PPAT: variants seen among roughly 807,000 people sequenced by gnomAD.
The protein encoded by PPAT is phosphoribosyl pyrophosphate amidotransferase.
PPAT carries 20 observed loss-of-function variants against 60.2 expected under a neutral mutation model. The ratio of observed to expected loss-of-function variants is 0.33; its 90% confidence interval spans 0.23 to 0.48. The LOEUF (loss-of-function observed/expected upper bound fraction) is 0.48, where lower values mean the gene tolerates loss of function less well. Among genes scored for constraint, PPAT ranks in the 20% least tolerant of loss-of-function variants. PPAT has a pLI of 0.99. For synonymous variants in PPAT, 194 were observed against 215.1 expected (o/e 0.90, Z 0.86); for missense variants, 349 against 629.6 (o/e 0.55, Z 4.77).
At chr4:56,407,543 C>G in intron 2 of PPAT, 107 bp downstream of exon 2, 1 of 849,964 alleles carries the variant, frequency 1.2e-6, no homozygotes, top group Admixed American at 1.8e-5. Context: ...GTCTTGAACT[C>G]CCGACCTCAG....
intron 8 of PPAT, chr4:56,399,835 CT>C (rs1716069628): frequency 6.4e-6 from 1 of 156,742 alleles, no homozygotes; most frequent in Admixed American, 6.3e-5. Context: ...CATATTAATT[CT>C]TTTAGAAGTT....
chr4:56,430,306 T>C (rs1717514293), intron 1 of PPAT, among the ~76,000 whole-genome samples: 2 of 152,142 alleles, frequency 1.3e-5, no homozygotes, highest in South Asian at 2.1e-4. Context: ...CTAAGCACTT[T>C]ACATATATTA....
intron 2 of PPAT, among the ~76,000 whole-genome samples, chr4:56,407,219 C>A (rs1160306176): frequency 6.6e-6 from 1 of 152,116 alleles, no homozygotes; most frequent in Non-Finnish European, 1.5e-5. Flanking sequence ...GTGGCTGATC[C>A]AAAGAATATT....
chr4:56,400,567 GT>G, intron 8 of PPAT: 1 of 412,020 alleles, frequency 2.4e-6, no homozygotes. Flanking sequence ...TTTAGTGAAC[GT>G]TTTTTTCTTT....
chr4:56,429,065 C>T (rs976088854), intron 1 of PPAT: 1 of 354,092 alleles, frequency 2.8e-6, no homozygotes, highest in East Asian at 1.7e-4. Flanking sequence ...TTGCTTTTTC[C>T]TGATAACAGA....
rs556792131 is a variant in PPAT, at chr4:56,422,777, A to G, written c.128+12573T>C. The stretch of plus-strand genomic sequence containing the variant: ...ACATTATATGAAGTACTGTTGGATC[A>G]TAACTCAAAACACATAAATGAAAGG... On this transcript the variant is annotated intron_variant, in intron 1 of 10. Transcript: ENST00000264220. The G allele has an allele frequency of 7.2e-5, 11 of 152,338 alleles. No homozygotes were observed. In the South Asian group the frequency reaches 2.3e-3, roughly 32 times the overall value. 9.4% of individuals were successfully genotyped at this position (152,338 alleles called of 1,614,324 possible). A position where few individuals can be genotyped will look rare whatever the true frequency, so the allele number is the denominator to read the frequency against.
Position 56,433,495 on chromosome 4 carries a change from T to TAA in PPAT, c.128+1853_128+1854dup, listed in dbSNP as rs542379951. On this transcript the variant is annotated intron_variant, in intron 1 of 10. Transcript: ENST00000264220. Reference sequence around the variant, plus strand: ...CTCCAACCAGTGCTAACATGTAAGTTAAAAAAAAAAAAAAGCCTCTTTTTC... The same window carrying TAA: ...CTCCAACCAGTGCTAACATGTAAGTTAAAAAAAAAAAAAAAAGCCTCTTTTTC... Among the ~76,000 whole-genome samples the TAA allele has an allele frequency of 2.3e-3, 303 of 129,526 alleles. 8 individuals carry two copies. In the South Asian group the frequency reaches 0.04, roughly 17 times the overall value. 85.0% of individuals were successfully genotyped at this position (129,526 alleles called of 152,430 possible).
intron 1 of PPAT, among the ~76,000 whole-genome samples, chr4:56,412,752 T>C (rs1716524926): frequency 6.6e-6 from 1 of 152,226 alleles, no homozygotes; most frequent in Non-Finnish European, 1.5e-5. Context: ...TCTATTCTCA[T>C]TATGACTAAC....
At chr4:56,401,659 A>C (rs2110038426) in intron 6 of PPAT, among the ~76,000 whole-genome samples, 178 bp from the exon 7 acceptor site, 1 of 152,242 alleles carries the variant, frequency 6.6e-6, no homozygotes, top group South Asian at 2.1e-4. Context: ...TTTCTTTATA[A>C]TCTCTCTGTA....
chr4:56,403,670 T>A (rs532849507), intron 3 of PPAT, among the ~76,000 whole-genome samples: 1 of 152,292 alleles, frequency 6.6e-6, no homozygotes, highest in Non-Finnish European at 1.5e-5. Flanking sequence ...ATTATTACTA[T>A]ACTGTAATAT....
intron 1 of PPAT, among the ~76,000 whole-genome samples, chr4:56,417,835 G>GTT (rs1207160039): frequency 3.9e-5 from 4 of 102,592 alleles, no homozygotes; most frequent in African/African-American, 6.9e-5. Context: ...TGAAGATTTG[G>GTT]TTTTTTGTTT....
At chr4:56,405,516 C>T (rs1394470517) in intron 3 of PPAT, among the ~76,000 whole-genome samples, 2 of 152,206 alleles carry the variant, frequency 1.3e-5, no homozygotes, top group African/African-American at 4.8e-5. Flanking sequence ...AGCTTCATCC[C>T]TGGACCCCCA....
chr4:56,435,556 C>T lies in PPAT; in HGVS notation c.-79G>A. 6.2e-7 allele frequency: 1 copy of T among 1,604,792 alleles called. No individual in the cohort carries two copies. Among genetic ancestry groups the T allele is most frequent in the Non-Finnish European group, 8.5e-7 (1 of 1,175,230 alleles). ...CCAACCAGCTGCCAGCTCGGCCCGTCGAGCTCAGAAGCTCGCGCTCGCGAC... is the reference window on the plus strand; with the variant it reads ...CCAACCAGCTGCCAGCTCGGCCCGTTGAGCTCAGAAGCTCGCGCTCGCGAC... On this transcript the variant is annotated 5_prime_UTR_variant, in exon 1 of 11. Transcript: ENST00000264220.
intron 1 of PPAT, among the ~76,000 whole-genome samples, chr4:56,430,864 C>T (rs1163810150): frequency 6.6e-6 from 1 of 151,840 alleles, no homozygotes; most frequent in Non-Finnish European, 1.5e-5. Flanking sequence ...TACTGGAAAA[C>T]CTGGGGCTAG....
chr4:56,404,592 T>A (rs1716196306), intron 3 of PPAT, among the ~76,000 whole-genome samples: 1 of 152,166 alleles, frequency 6.6e-6, no homozygotes, highest in South Asian at 2.1e-4. Context: ...TCTAGGTAAG[T>A]CATTATGTCA....
chr4:56,410,412 A>G (rs1716388715), intron 1 of PPAT: 1 of 499,250 alleles, frequency 2.0e-6, no homozygotes, highest in East Asian at 1.5e-4. Flanking sequence ...CAGTTAAACT[A>G]CATCCTTTCA....
Position 56,429,283 on chromosome 4 carries a change from CTGTT to C in PPAT, c.128+6063_128+6066del, listed in dbSNP as rs1717455073. ...TGAAAACTTGCCCGGAGTTAGGTAACTGTTTGGTTATCATGGTCCTTTAAATTGT... is the reference window on the plus strand; with the variant it reads ...TGAAAACTTGCCCGGAGTTAGGTAACTGGTTATCATGGTCCTTTAAATTGT... On this transcript the variant is annotated intron_variant, in intron 1 of 10. Coordinates refer to ENST00000264220, the MANE Select transcript of PPAT (RefSeq NM_002703.5). Among the ~76,000 whole-genome samples, 3 of 152,180 alleles carry C rather than the reference CTGTT, an allele frequency of 2.0e-5. No homozygotes were observed. In the South Asian group the frequency reaches 6.2e-4, roughly 31 times the overall value.
intron 1 of PPAT, chr4:56,431,426 G>A (rs1717580301): frequency 2.0e-6 from 2 of 982,188 alleles, no homozygotes; most frequent in African/African-American, 3.5e-5. Flanking sequence ...TGCAGAACCA[G>A]TGTCTAAATC....
chr4:56,402,820 C>CAAAAAAAAAAAA (rs556899549), intron 5 of PPAT, among the ~76,000 whole-genome samples: 5 of 44,026 alleles, frequency 1.1e-4, no homozygotes, highest in African/African-American at 4.6e-4. Context: ...ACTCGGTCTC[C>CAAAAAAAAAAAA]AAAAAAAAAA....
Sources: gnomAD v4.1 joint callset for allele counts (sites outside exome capture counted in the v4.1 genomes callset) on GRCh38, gnomAD v4.1.1 for gene constraint, MANE v1.5 for transcripts, NCBI Gene and HGNC (gene_info 2026-07-23, HGNC 2026-07-21) for gene names.